Variants in TRPS1 observed in about 807,000 individuals in gnomAD.
TRPS1 encodes zinc finger transcription factor Trps1.
In TRPS1, 6 loss-of-function variants were observed where a neutral mutation model predicts 101.2. The observed-to-expected ratio is 0.06, with a 90% CI of 0.03 to 0.12. The LOEUF (loss-of-function observed/expected upper bound fraction) is 0.12, where lower values mean the gene tolerates loss of function less well. Ranked by LOEUF, TRPS1 falls within the 10% of genes least tolerant of loss-of-function variation. The pLI is 1.00. For missense variants in TRPS1, 1,363 were observed against 1,567.0 expected, an observed-to-expected ratio of 0.87 and a Z score of 2.20; for synonymous variants, 578 against 589.8, an observed-to-expected ratio of 0.98 and a Z score of 0.29.
rs182986063 is a variant in TRPS1, at chr8:115,465,173, C to T, written c.2701-46721G>A. On this transcript the variant is annotated intron_variant, in intron 5 of 6. Coordinates refer to ENST00000395715, the MANE Select transcript of TRPS1 (RefSeq NM_014112.5). ...CCACCAAAGGACACGAGAACACAAACGGAAAATTAAAAATCTTTACAATGT... is the reference window on the plus strand; with the variant it reads ...CCACCAAAGGACACGAGAACACAAATGGAAAATTAAAAATCTTTACAATGT... Among the ~76,000 whole-genome samples, 65 of 152,050 alleles carry T rather than the reference C, an allele frequency of 4.3e-4. 1 individual carries two copies. In the East Asian group the frequency reaches 9.5e-3, roughly 22 times the overall value.
chr8:115,587,298 G>T lies in TRPS1; in HGVS notation c.2403C>A (p.Asp801Glu), dbSNP rs1327455620. 1 of 1,614,192 alleles carries T rather than the reference G, an allele frequency of 6.2e-7. No individual in the cohort carries two copies. The highest frequency in any genetic ancestry group is 8.5e-7 in the Non-Finnish European group (1 of 1,180,026). ...CCCCTCTCCAAGTCACATTGCGAAG[G>T]TCATCACTGGAACTCTCGGTCCAAA... Reference protein sequence around the residue: ...EKVWTESSSDDLRNVTWRGAD... With the variant: ...EKVWTESSSDELRNVTWRGAD... The change falls in exon 5 of 7, where the codon GAC (aspartate) becomes GAA (glutamate). Residue 801 changes from aspartate (D) to glutamate (E), a missense_variant. By Grantham distance (45) the Asp-to-Glu change is conservative. Coordinates refer to ENST00000395715, the MANE Select transcript of TRPS1 (RefSeq NM_014112.5).
intron 1 of TRPS1, among the ~76,000 whole-genome samples, chr8:115,662,476 C>A (rs906198514): frequency 6.6e-6 from 1 of 151,808 alleles, no homozygotes; most frequent in Non-Finnish European, 1.5e-5. Flanking sequence ...CCGAATGGGG[C>A]GGAGGGCCTT....
At chr8:115,498,399 CTCTCTCTCTCTCTCTCTA>C (rs1271534761) in intron 5 of TRPS1, among the ~76,000 whole-genome samples, 1 of 83,250 alleles carries the variant, frequency 1.2e-5, no homozygotes, top group Non-Finnish European at 2.2e-5. Flanking sequence ...CTCTCTCTCT[CTCTCTCTCTCTCTCTCTA>C]TATATATATA....
intron 5 of TRPS1, among the ~76,000 whole-genome samples, chr8:115,484,440 G>C (rs1814829551): frequency 6.6e-6 from 1 of 152,116 alleles, no homozygotes; most frequent in Admixed American, 6.6e-5. Context: ...AGAAGTAATA[G>C]CTATAGTACT....
In TRPS1 at chr8:115,414,795, G is replaced by A. The variant is rs1328723603; in HGVS notation, c.3113C>T (p.Thr1038Ile). 6.2e-7 allele frequency: 1 copy of A among 1,614,052 alleles called. No individual in the cohort carries two copies. The highest frequency in any genetic ancestry group is 2.2e-5 in the East Asian group (1 of 44,874). ...SAQQPVLVSQ[T>I]LDIHKRMQPL... The stretch of plus-strand genomic sequence containing the variant: ...TTGCATCCTTTTGTGAATATCCAGA[G>A]TTTGGCTGACCAGGACTGGCTGCTG... The change falls in exon 7 of 7, where the codon ACT becomes ATT. Residue 1038 changes from threonine (T) to isoleucine (I), a missense_variant. Thr to Ile is a moderately conservative substitution (Grantham distance 89, BLOSUM62 -1). This residue lies in a region of TRPS1 where 307 missense variants were observed against 392.4 expected (regional missense o/e 0.78). Transcript: ENST00000395715. The surrounding 1 kb of genome is among the most constrained non-coding windows in gnomAD (Gnocchi z 4.8).
At chr8:115,444,550 A>G (rs1226953491) in intron 5 of TRPS1, among the ~76,000 whole-genome samples, 1 of 152,200 alleles carries the variant, frequency 6.6e-6, no homozygotes. Context: ...TTTTCAAAGT[A>G]TACCTTTTTC....
chr8:115,587,205 G>A lies in TRPS1; in HGVS notation c.2496C>T (p.Gly832=). 6.2e-7 allele frequency: 1 copy of A among 1,614,232 alleles called. No individual in the cohort carries two copies. The highest frequency in any genetic ancestry group is 8.5e-7 in the Non-Finnish European group (1 of 1,180,034). ...TTAGAGTCTTTGTCTGCTCTTGGGT[G>A]CCAGACACAGGCGTCAGCAGCCCCA... ...ASLGLLTPVS[G]TQEQTKTLRD... The change falls in exon 5 of 7, where the codon GGC becomes GGT. Residue 832 remains glycine (G), a synonymous_variant. Coordinates refer to ENST00000395715, the MANE Select transcript of TRPS1 (RefSeq NM_014112.5).
chr8:115,472,728 A>G lies in TRPS1; in HGVS notation c.2701-54276T>C, dbSNP rs533899099. Among the ~76,000 whole-genome samples the G allele has an allele frequency of 6.8e-4, 103 of 152,236 alleles. 1 individual carries two copies. The highest frequency in any genetic ancestry group is 8.4e-4 in the Non-Finnish European group (57 of 68,018). ...CATAAAACTGAATGCTTTTAACAAC[A>G]CCCAAGTCACCTCTTGAATGCTTTG... On this transcript the variant is annotated intron_variant, in intron 5 of 6. Transcript: ENST00000395715.
chr8:115,558,260 AGTT>A (rs1163741852), intron 5 of TRPS1, among the ~76,000 whole-genome samples: 5 of 152,194 alleles, frequency 3.3e-5, no homozygotes, highest in African/African-American at 1.2e-4. Flanking sequence ...TAATAAAGAT[AGTT>A]GTAATTTACT....
In TRPS1 at chr8:115,410,545, C is replaced by G. The variant is rs759377808; in HGVS notation, c.*3478G>C. 1 of 152,404 alleles carries G rather than the reference C, an allele frequency of 6.6e-6. No individual in the cohort carries two copies. Among genetic ancestry groups the G allele is most frequent in the Non-Finnish European group, 1.5e-5 (1 of 67,968 alleles). The allele number at this position is 152,404 out of a possible 1,614,324, so 9.4% of individuals were successfully genotyped here. On this transcript the variant is annotated 3_prime_UTR_variant, in exon 7 of 7. Transcript: ENST00000395715. ...GGCATACTCTTTTCCTTTTGAACTA[C>G]AGAGTTATCAATTAGAGCTCTGTCC...
chr8:115,650,596 T>TA (rs528084618), intron 1 of TRPS1, among the ~76,000 whole-genome samples: 18 of 149,152 alleles, frequency 1.2e-4, no homozygotes, highest in Admixed American at 2.0e-4. Flanking sequence ...TCTTTTAAGT[T>TA]AAAAAAAAAA....
chr8:115,625,047 CA>C (rs1278563837), intron 1 of TRPS1, among the ~76,000 whole-genome samples: 1 of 151,774 alleles, frequency 6.6e-6, no homozygotes, highest in South Asian at 2.1e-4. Flanking sequence ...CTAAATAAAT[CA>C]ACTATCACAG....
rs187103914 is a variant in TRPS1, at chr8:115,497,544, C to T, written c.2701-79092G>A. Among the ~76,000 whole-genome samples the T allele has an allele frequency of 1.6e-3, 237 of 152,198 alleles. 1 individual carries two copies. The highest frequency in any genetic ancestry group is 5.4e-3 in the African/African-American group (226 of 41,514). The stretch of plus-strand genomic sequence containing the variant: ...CTTATATCAAGTCCAGAAATGGGCT[C>T]CAGGTGCTCAAGTTCTAATTCTTCT... On this transcript the variant is annotated intron_variant, in intron 5 of 6. Coordinates refer to ENST00000395715, the MANE Select transcript of TRPS1 (RefSeq NM_014112.5).
At chr8:115,509,510 A>G (rs868349138) in intron 5 of TRPS1, 1 of 152,020 alleles carries the variant, frequency 6.6e-6, no homozygotes, top group African/African-American at 2.4e-5. Flanking sequence ...AAAGAATCCA[A>G]TTCAATTTTT....
intron 5 of TRPS1, among the ~76,000 whole-genome samples, chr8:115,552,936 T>G (rs1816736762): frequency 6.6e-6 from 1 of 152,104 alleles, no homozygotes; most frequent in Non-Finnish European, 1.5e-5. Context: ...AAATTTGACC[T>G]AGTACAATGG....
intron 5 of TRPS1, among the ~76,000 whole-genome samples, chr8:115,498,595 T>C (rs966345549): frequency 4.6e-5 from 7 of 151,546 alleles, no homozygotes; most frequent in South Asian, 2.1e-4. Flanking sequence ...AGAAAAACGA[T>C]GTAATGTAGT....
chr8:115,640,061 A>G (rs952904537), intron 1 of TRPS1, among the ~76,000 whole-genome samples: 1 of 152,232 alleles, frequency 6.6e-6, no homozygotes, highest in South Asian at 2.1e-4. Context: ...CACAGTATCA[A>G]AACACCTTAA....
intron 5 of TRPS1, among the ~76,000 whole-genome samples, chr8:115,445,614 C>G (rs190816989): frequency 1.3e-5 from 2 of 151,986 alleles, no homozygotes; most frequent in Non-Finnish European, 2.9e-5. Context: ...TCTTAATTGC[C>G]TAAAAAAACT....
intron 2 of TRPS1, among the ~76,000 whole-genome samples, chr8:115,621,685 C>T (rs544810155): frequency 9.7e-4 from 148 of 152,140 alleles, no homozygotes; most frequent in African/African-American, 3.4e-3. Context: ...GAGGCCACGG[C>T]GGGTGGATCA....
Sources: allele counts gnomAD v4.1 joint callset (sites outside exome capture counted in the v4.1 genomes callset), GRCh38; gene constraint gnomAD v4.1.1; regional missense constraint gnomAD v4.1.1; non-coding constraint Gnocchi (gnomAD v3.1); transcripts MANE v1.5; gene names NCBI Gene and HGNC (gene_info 2026-07-23, HGNC 2026-07-21).